Variants in SLC13A4 observed in about 807,000 individuals in gnomAD.
SLC13A4 encodes solute carrier family 13 member 4, also known as Na(+)/sulfate cotransporter SUT-1.
In SLC13A4, 28 loss-of-function variants were observed where a neutral mutation model predicts 72.7. The ratio of observed to expected loss-of-function variants is 0.39; its 90% CI spans 0.29 to 0.53. The LOEUF (loss-of-function observed/expected upper bound fraction) is 0.53, where lower values mean the gene tolerates loss of function less well. Among genes scored for constraint, SLC13A4 ranks in the 20% least tolerant of loss-of-function variants. The pLI is 0.78. For missense variants in SLC13A4, 653 were observed against 788.0 expected (o/e 0.83, Z 2.05); for synonymous variants, 312 against 325.5 (o/e 0.96, Z 0.45).
chr7:135,708,341 C>A (rs1178357990), intron 2 of SLC13A4, 91 bp from the exon 3 acceptor site: 1 of 1,542,140 alleles, frequency 6.5e-7, no homozygotes, highest in Non-Finnish European at 8.8e-7. Context: ...CCCAATAAAA[C>A]CTGTTCTCAA....
rs1162219215 is a variant in SLC13A4, at chr7:135,705,642, C to T, written c.547G>A (p.Val183Ile). 2 of 1,614,034 alleles carry T rather than the reference C, an allele frequency of 1.2e-6. No homozygotes were observed. Among genetic ancestry groups the T allele is most frequent in the South Asian group, 2.2e-5 (2 of 91,070 alleles). ...TEEAEPISLD[V>I]KNSQPSLELI... Reference sequence around the variant, plus strand: ...TCCAGAGAAGGTTGGCTGTTCTTTACATCCAGACCTATGAGTAGCAAAGAA... The same window carrying T: ...TCCAGAGAAGGTTGGCTGTTCTTTATATCCAGACCTATGAGTAGCAAAGAA... The change falls in exon 5 of 16, where the codon GTA becomes ATA. Residue 183 changes from valine to isoleucine, a missense_variant. Transcript: ENST00000682651.
chr7:135,706,233 C>T lies in SLC13A4; in HGVS notation c.433G>A (p.Ala145Thr), dbSNP rs572670318. ...GCCTCCACGATGGGCATCACCATGGCGGTGGTGGAGGTGTTGGACAGCCAC... is the reference window on the plus strand; with the variant it reads ...GCCTCCACGATGGGCATCACCATGGTGGTGGTGGAGGTGTTGGACAGCCAC... ...SMWLSNTSTT[A>T]MVMPIVEAVL... is the part of the protein sequence containing the mutation. The change falls in exon 4 of 16, where the codon GCC becomes ACC. Residue 145 changes from alanine to threonine, a missense_variant. By Grantham distance (58) the Ala-to-Thr change is moderately conservative (BLOSUM62 0). Transcript: ENST00000682651. 11 of 1,613,828 alleles carry T rather than the reference C, an allele frequency of 6.8e-6. No individual in the cohort carries two copies. The highest frequency in any genetic ancestry group is 2.2e-5 in the East Asian group (1 of 44,878).
In SLC13A4 at chr7:135,689,924, A is replaced by T. The variant is rs1029027075; in HGVS notation, c.1446+1277T>A. On this transcript the variant is annotated intron_variant, in intron 13 of 15. Transcript: ENST00000682651. Reference sequence around the variant, plus strand: ...GCCGGGCACAGTGGCTCATGCCTGTAATCCCAGTACTTTGGGAGGCCAAGG... The same window carrying T: ...GCCGGGCACAGTGGCTCATGCCTGTTATCCCAGTACTTTGGGAGGCCAAGG... Among the ~76,000 whole-genome samples the T allele has an allele frequency of 9.2e-5, 14 of 152,222 alleles. 1 individual carries two copies. In the South Asian group the frequency reaches 2.5e-3, roughly 27 times the overall value.
intron 8 of SLC13A4, among the ~76,000 whole-genome samples, chr7:135,698,368 T>C (rs1795952459): frequency 3.9e-5 from 5 of 129,094 alleles, no homozygotes; most frequent in Admixed American, 8.6e-5. Context: ...GGAGTCTTGC[T>C]CTGTTGCCCA....
intron 15 of SLC13A4, among the ~76,000 whole-genome samples, chr7:135,682,012 G>A (rs1795514291): frequency 6.6e-6 from 1 of 152,206 alleles, no homozygotes; most frequent in African/African-American, 2.4e-5. Context: ...CTCACTGATA[G>A]GGAAATGTGC....
Position 135,721,436 on chromosome 7 carries a change from C to T in SLC13A4, c.187G>A (p.Ala63Thr). 1.2e-6 allele frequency: 2 copies of T among 1,614,076 alleles called. No individual in the cohort carries two copies. The highest frequency in any genetic ancestry group is 1.7e-6 in the Non-Finnish European group (2 of 1,179,964). Reference protein sequence around the residue: ...VPLGAAALVPAFLYPFFGVLR... With the variant: ...VPLGAAALVPTFLYPFFGVLR... ...ACTCCGAAGAACGGGTAAAGGAAGG[C>T]CGGCACCAGGGCTGCAGCTCCCAGA... Residue 63 changes from alanine (A) to threonine (T), a missense_variant, in exon 2 of 16, where the codon GCC becomes ACC. By Grantham distance (58) the Ala-to-Thr change is moderately conservative. Transcript: ENST00000682651.
At chr7:135,720,709 T>A (rs1796528937) in intron 2 of SLC13A4, among the ~76,000 whole-genome samples, 1 of 152,110 alleles carries the variant, frequency 6.6e-6, no homozygotes, top group Non-Finnish European at 1.5e-5. Context: ...TTTTGTTTTT[T>A]CTTTTTCCCT....
At chr7:135,711,031 C>G (rs913816114) in intron 2 of SLC13A4, among the ~76,000 whole-genome samples, 3 of 152,084 alleles carry the variant, frequency 2.0e-5, no homozygotes, top group African/African-American at 7.2e-5. Context: ...CTAGCGGGAG[C>G]AGGAGGCACT....
intron 2 of SLC13A4, among the ~76,000 whole-genome samples, chr7:135,715,712 A>C (rs1796420313): frequency 6.6e-6 from 1 of 152,238 alleles, no homozygotes. Context: ...TCCTATAGAC[A>C]GTAAATCTTA....
At chr7:135,713,564 T>A (rs1014670016) in intron 2 of SLC13A4, among the ~76,000 whole-genome samples, 5 of 152,150 alleles carry the variant, frequency 3.3e-5, no homozygotes, top group African/African-American at 4.8e-5. Context: ...TATTTTTTTT[T>A]AATTATGTGT....
At chr7:135,715,313 G>C (rs1158666908) in intron 2 of SLC13A4, among the ~76,000 whole-genome samples, 1 of 123,010 alleles carries the variant, frequency 8.1e-6, no homozygotes, top group Non-Finnish European at 1.6e-5. Context: ...ATCTAAGCAT[G>C]TGTATGTGTG....
chr7:135,724,615 C>T (rs1332613846), intron 1 of SLC13A4, among the ~76,000 whole-genome samples: 1 of 151,522 alleles, frequency 6.6e-6, no homozygotes, highest in East Asian at 1.9e-4. Context: ...ATAAAGCAAA[C>T]ATTTTGGTTG....
At chr7:135,710,616 T>A (rs1002453069) in intron 2 of SLC13A4, among the ~76,000 whole-genome samples, 1 of 152,178 alleles carries the variant, frequency 6.6e-6, no homozygotes, top group African/African-American at 2.4e-5. Context: ...GGAAAGAGAC[T>A]GCTGACTTTT....
chr7:135,705,976 GGAGA>G, intron 4 of SLC13A4, 148 bp downstream of exon 4: 1 of 673,938 alleles, frequency 1.5e-6, no homozygotes, highest in Non-Finnish European at 2.4e-6. Context: ...ATGGGAAAGA[GGAGA>G]GAGGGAAGAG....
At chr7:135,691,427 T>C (rs1471120595) in intron 12 of SLC13A4, 102 bp from the exon 13 acceptor site, 1 of 509,140 alleles carries the variant, frequency 2.0e-6, no homozygotes, top group African/African-American at 3.3e-5. Context: ...TACTGCTATT[T>C]GGGGCGGGGG....
intron 8 of SLC13A4, among the ~76,000 whole-genome samples, chr7:135,697,608 T>C (rs1049221441): frequency 1.0e-3 from 159 of 151,844 alleles, no homozygotes; most frequent in Non-Finnish European, 1.8e-3. Flanking sequence ...TTTTTCTTTT[T>C]CATCCAGAAT....
intron 3 of SLC13A4, 97 bp downstream of exon 3, chr7:135,708,017 G>A (rs1263232012): frequency 6.8e-7 from 1 of 1,467,644 alleles, no homozygotes; most frequent in African/African-American, 1.4e-5. Flanking sequence ...AAAAACAGCT[G>A]AAGTGGACAT....
At position 135,681,376 on chromosome 7, in the gene SLC13A4, T is replaced by G; in HGVS notation, c.*187A>C. The G allele has an allele frequency of 1.8e-6, 1 of 559,390 alleles. No individual in the cohort carries two copies. The highest frequency in any genetic ancestry group is 3.0e-6 in the Non-Finnish European group (1 of 334,584). 34.7% of individuals were successfully genotyped at this position (559,390 alleles called of 1,614,324 possible). A position where few individuals can be genotyped will look rare whatever the true frequency, so the allele number is the denominator to read the frequency against. ...AAGAAGACACTAACAGCGAAGCATG[T>G]GTTTGTGGTTGTTGGAGGATTCCTG... On this transcript the variant is annotated 3_prime_UTR_variant, in exon 16 of 16. Coordinates refer to ENST00000682651, the MANE Select transcript of SLC13A4 (RefSeq NM_001318192.2).
chr7:135,715,380 A>AGTGT (rs58738715), intron 2 of SLC13A4, among the ~76,000 whole-genome samples: 3 of 148,796 alleles, frequency 2.0e-5, no homozygotes, highest in Non-Finnish European at 4.5e-5. Context: ...TGAGTGTGTG[A>AGTGT]GTGTGTATGT....
Sources: allele counts gnomAD v4.1 joint callset (sites outside exome capture counted in the v4.1 genomes callset), GRCh38; gene constraint gnomAD v4.1.1; transcripts MANE v1.5; gene names NCBI Gene and HGNC (gene_info 2026-07-23, HGNC 2026-07-21).